The following CFAP54 variants were observed in gnomAD, a reference collection of about 807,000 sequenced individuals.
CFAP54 encodes the protein cilia- and flagella-associated protein 54.
A neutral mutation model predicts 370.4 loss-of-function variants in CFAP54; 290 were observed. The observed-to-expected ratio is 0.78, with a 90% CI of 0.71 to 0.86. The LOEUF is 0.86. Ranked by LOEUF, CFAP54 falls within the 40% of genes least tolerant of loss-of-function variation. The pLI, the probability that CFAP54 is intolerant of heterozygous loss-of-function variation, is 0.00. For synonymous variants in CFAP54, 1,206 were observed against 1,236.5 expected, an observed-to-expected ratio of 0.98 and a Z score of 0.52; for missense variants, 3,399 against 3,528.7, an observed-to-expected ratio of 0.96 and a Z score of 0.93.
Position 96,630,569 on chromosome 12 carries a change from A to T in CFAP54, c.4234A>T (p.Arg1412Ter). ...TATTAAGAGTGCAGAAATGCAACAA[A>T]GAATAAGAAGTAAAAAAAAGGAAAC... Reference protein sequence around the residue: ...EIGRSAEMQQRIRSKKKETLR... With the variant: ...EIGRSAEMQQ Residue 1412 changes from arginine to a stop codon, truncating the protein, a stop_gained, in exon 32 of 68, where the codon AGA (arginine) becomes TGA (stop). Transcript: ENST00000524981. LOFTEE classifies it high-confidence loss of function. 2 of 1,473,702 alleles carry T rather than the reference A, an allele frequency of 1.4e-6. No homozygotes were observed. Among genetic ancestry groups the T allele is most frequent in the Non-Finnish European group, 1.8e-6 (2 of 1,114,504 alleles). The allele number at this position is 1,473,702 out of a possible 1,614,324, so 91.3% of individuals were successfully genotyped here. A position where few individuals can be genotyped will look rare whatever the true frequency, so the allele number is the denominator to read the frequency against.
Position 96,577,070 on chromosome 12 carries a change from G to A in CFAP54, c.2796+309G>A, listed in dbSNP as rs554732381. On this transcript the variant is annotated intron_variant, in intron 20 of 67. Transcript: ENST00000524981. ...TGACACACCATATGCTGACATCCTC[G>A]TGTGCTCAAGATGGAAGTCTCACTT... Among the ~76,000 whole-genome samples the A allele has an allele frequency of 7.9e-5, 12 of 152,238 alleles. No individual in the cohort carries two copies. In the South Asian group the frequency reaches 2.1e-3, roughly 26 times the overall value.
intron 12 of CFAP54, among the ~76,000 whole-genome samples, chr12:96,537,637 TG>T (rs1158662011): frequency 6.6e-6 from 1 of 152,164 alleles, no homozygotes. Context: ...CCGCTGCGCC[TG>T]TCCAATTCCT....
At chr12:96,856,008 A>T (rs181694262) in intron 66 of CFAP54, among the ~76,000 whole-genome samples, 174 of 152,346 alleles carry the variant, frequency 1.1e-3, no homozygotes, top group Middle Eastern at 0.01. Context: ...CCCAAACCTC[A>T]ATTCTTTAGT....
chr12:96,649,515 A>G (rs1189376385), intron 34 of CFAP54, among the ~76,000 whole-genome samples: 1 of 152,182 alleles, frequency 6.6e-6, no homozygotes. Flanking sequence ...CCAGAGGTGC[A>G]GCTCACTTTC....
intron 43 of CFAP54, among the ~76,000 whole-genome samples, chr12:96,689,373 C>T (rs1957364689): frequency 6.6e-6 from 1 of 152,134 alleles, no homozygotes; most frequent in African/African-American, 2.4e-5. Flanking sequence ...GTTGGCCAGG[C>T]TGGTCTCAAA....
At chr12:96,513,734 CTG>C (rs2136360364) in intron 5 of CFAP54, among the ~76,000 whole-genome samples, 1 of 151,994 alleles carries the variant, frequency 6.6e-6, no homozygotes, top group African/African-American at 2.4e-5. Context: ...CAGAGCAAGA[CTG>C]TGTCTCAAAT....
chr12:96,724,491 T>C (rs145689993), intron 50 of CFAP54, among the ~76,000 whole-genome samples: 13,077 of 152,312 alleles, frequency 0.086, 803 homozygotes, highest in South Asian at 0.27. Flanking sequence ...GAAGTGTCTG[T>C]TCATATCCTT....
intron 1 of CFAP54, among the ~76,000 whole-genome samples, chr12:96,497,495 G>A (rs1221614324): frequency 6.6e-6 from 1 of 152,146 alleles, no homozygotes; most frequent in Admixed American, 6.6e-5. Flanking sequence ...TAGCCAACTT[G>A]TTAGGGAAAC....
chr12:96,729,283 G>C (rs1001159221), intron 50 of CFAP54, among the ~76,000 whole-genome samples: 12 of 152,192 alleles, frequency 7.9e-5, no homozygotes, highest in Non-Finnish European at 1.6e-4. Context: ...GCCCCCAGAG[G>C]TGCAGCCTAC....
intron 36 of CFAP54, among the ~76,000 whole-genome samples, chr12:96,656,176 T>C (rs1956920673): frequency 6.6e-6 from 1 of 152,224 alleles, no homozygotes; most frequent in Non-Finnish European, 1.5e-5. Flanking sequence ...GAGTCTGGCC[T>C]TGGCTGTGCC....
At chr12:96,621,182 G>A (rs1378987087) in intron 26 of CFAP54, among the ~76,000 whole-genome samples, 1 of 152,174 alleles carries the variant, frequency 6.6e-6, no homozygotes, top group African/African-American at 2.4e-5. Flanking sequence ...TCATGAGGTC[G>A]GTAGTTATGC....
At chr12:96,809,718 A>G (rs1469776951) in intron 63 of CFAP54, among the ~76,000 whole-genome samples, 3 of 152,142 alleles carry the variant, frequency 2.0e-5, no homozygotes, top group Admixed American at 1.3e-4. Flanking sequence ...ATTTAGTTAG[A>G]TATTGACTTG....
At chr12:96,682,372 A>AT (rs561899838) in intron 40 of CFAP54, 68,188 of 715,206 alleles carry the variant, frequency 0.095, 5 homozygotes, top group Non-Finnish European at 0.1. Context: ...TTTTCTTTAA[A>AT]TTTTTTTTTT....
At position 96,743,459 on chromosome 12, in the gene CFAP54, G is replaced by T; in HGVS notation, c.7277G>T (p.Ser2426Ile). 6.2e-7 allele frequency: 1 copy of T among 1,614,090 alleles called. No homozygotes were observed. The highest frequency in any genetic ancestry group is 1.1e-5 in the South Asian group (1 of 91,074). The change falls in exon 53 of 68, where the codon AGC becomes ATC. Residue 2426 changes from serine (S) to isoleucine (I), a missense_variant. Physicochemically the swap from Ser to Ile is moderately radical, Grantham distance 142 (BLOSUM62 -2). Around this residue, in one of 3 missense-constraint regions of CFAP54, gnomAD observed 2,796 missense variants for 2,869.7 expected, o/e 0.97. Transcript: ENST00000524981. The stretch of plus-strand genomic sequence containing the variant: ...AATGAAGTGTGTATGGAGGCAAAAA[G>T]CGCAGGGGACACGGAACTGCAGGCT... ...LINEVCMEAKSAGDTELQAEF... is the reference protein window; with the variant it reads ...LINEVCMEAKIAGDTELQAEF...
intron 32 of CFAP54, among the ~76,000 whole-genome samples, chr12:96,635,193 T>C (rs1190764125): frequency 6.6e-6 from 1 of 152,208 alleles, no homozygotes; most frequent in Non-Finnish European, 1.5e-5. Flanking sequence ...TTTAAAAATA[T>C]ATTTATTGTT....
intron 39 of CFAP54, among the ~76,000 whole-genome samples, chr12:96,675,028 C>G (rs527807392): frequency 3.3e-5 from 5 of 151,988 alleles, no homozygotes; most frequent in African/African-American, 1.2e-4. Flanking sequence ...TAGGCATGGG[C>G]AAGGACTTCA....
intron 1 of CFAP54, among the ~76,000 whole-genome samples, chr12:96,498,457 A>G (rs967196196): frequency 2.6e-5 from 4 of 152,258 alleles, no homozygotes; most frequent in African/African-American, 9.6e-5. Context: ...GATTGAGACC[A>G]TCCTGGTCAA....
chr12:96,808,028 G>T (rs1407912005), intron 63 of CFAP54, among the ~76,000 whole-genome samples: 1 of 152,116 alleles, frequency 6.6e-6, no homozygotes, highest in Non-Finnish European at 1.5e-5. Context: ...AGCCAAATAG[G>T]TTACTGCTTC....
chr12:96,689,762 A>T (rs1215591618), intron 43 of CFAP54, among the ~76,000 whole-genome samples: 21 of 152,180 alleles, frequency 1.4e-4, no homozygotes, highest in Admixed American at 1.3e-3. Flanking sequence ...AGGAGCTTTT[A>T]TTTGAAATAC....
Sources: gnomAD v4.1 joint callset for allele counts (sites outside exome capture counted in the v4.1 genomes callset) on GRCh38, gnomAD v4.1.1 for gene constraint, gnomAD v4.1.1 regional missense constraint, MANE v1.5 for transcripts, NCBI Gene and HGNC (gene_info 2026-07-23, HGNC 2026-07-21) for gene names.